SMARCD1: variants seen among roughly 807,000 people sequenced by gnomAD.
The protein encoded by SMARCD1 is SWI/SNF related BAF chromatin remodeling complex subunit D1, also known as SWI/SNF-related matrix-associated actin-dependent regulator of chromatin subfamily D member 1.
Under a neutral mutation model 70.8 loss-of-function variants are expected in SMARCD1, and 16 were observed. The observed-to-expected ratio is 0.23, with a 90% confidence interval of 0.15 to 0.34. The LOEUF is 0.34. SMARCD1 is among the 10% of genes least tolerant of loss of function. The pLI is 1.00. For synonymous variants in SMARCD1, 249 were observed against 246.0 expected, an observed-to-expected ratio of 1.01 and a Z score of -0.11; for missense variants, 409 against 655.5, an observed-to-expected ratio of 0.62 and a Z score of 4.11.
At chr12:50,096,545 A>G (rs1488400064) in intron 10 of SMARCD1, 2 of 223,998 alleles carry the variant, frequency 8.9e-6, no homozygotes, top group Non-Finnish European at 1.8e-5. Context: ...TCCTGAGAAC[A>G]CTTTTGGACC....
intron 9 of SMARCD1, among the ~76,000 whole-genome samples, chr12:50,090,820 G>A (rs836181): frequency 0.41 from 36,821 of 88,898 alleles, 6,604 homozygotes; most frequent in Middle Eastern, 0.51. Context: ...TTGTATTTGT[G>A]CTTTTTTTTT....
intron 10 of SMARCD1, chr12:50,096,559 T>C (rs902541794): frequency 7.3e-6 from 2 of 272,920 alleles, no homozygotes; most frequent in Non-Finnish European, 1.4e-5. Flanking sequence ...TTGGACCCAT[T>C]TGTGCTGTGG....
rs1456256452 is a variant in SMARCD1 at position 50,088,186 on chromosome 12, T to TGA, written c.655-334_655-333dup. ...TTTTGTTCTGGCTGCTTATTGCCTG[T>TGA]GATTCATTTCCCCTCTAGAGTCAGA... On this transcript the variant is annotated intron_variant, in intron 5 of 12. Transcript: ENST00000394963. 4 of 690,214 alleles carry TGA rather than the reference T, an allele frequency of 5.8e-6. No homozygotes were observed. In the African/African-American group the frequency reaches 7.1e-5, roughly 12 times the overall value. 42.8% of individuals were successfully genotyped at this position (690,214 alleles called of 1,614,324 possible).
chr12:50,093,380 C>T (rs528885019), intron 9 of SMARCD1, among the ~76,000 whole-genome samples: 32 of 152,102 alleles, frequency 2.1e-4, no homozygotes, highest in African/African-American at 7.2e-4. Flanking sequence ...GCCACACTAG[C>T]GTTGAATTCC....
At chr12:50,085,617 T>C in intron 1 of SMARCD1, 71 bp downstream of exon 1, 1 of 547,914 alleles carries the variant, frequency 1.8e-6, no homozygotes, top group Non-Finnish European at 2.1e-6. Flanking sequence ...GTGACAGGGG[T>C]GGGGGGAGAA....
At chr12:50,098,370 A>G (rs1396728724) in intron 11 of SMARCD1, 1 of 310,586 alleles carries the variant, frequency 3.2e-6, no homozygotes, top group African/African-American at 2.2e-5. Context: ...TGTTCTGTGC[A>G]TCTCTCAGCT....
rs767072864 is a variant in SMARCD1 at position 50,098,726 on chromosome 12, G to A, written c.1405G>A (p.Val469Met). ...QCRDLKTMTD[V>M]VGNPEEERRA... Reference sequence around the variant, plus strand: ...CCATTTCCCTCAGACAATGACTGATGTGGTGGGTAACCCAGAGGAGGAGCG... The same window carrying A: ...CCATTTCCCTCAGACAATGACTGATATGGTGGGTAACCCAGAGGAGGAGCG... The change falls in exon 12 of 13, where the codon GTG (valine) becomes ATG (methionine). Residue 469 changes from valine (V) to methionine (M), a missense_variant. This residue lies in a region of SMARCD1 where 269 missense variants were observed against 498.6 expected (regional missense o/e 0.54). Coordinates refer to ENST00000394963, the MANE Select transcript of SMARCD1 (RefSeq NM_003076.5). 4 of 1,613,898 alleles carry A rather than the reference G, an allele frequency of 2.5e-6. No homozygotes were observed. The highest frequency in any genetic ancestry group is 1.6e-4 in the Middle Eastern group (1 of 6,062).
chr12:50,085,517 C>T lies in SMARCD1; in HGVS notation c.148C>T (p.Arg50Cys). 8.1e-7 allele frequency: 1 copy of T among 1,236,866 alleles called. No homozygotes were observed. The highest frequency in any genetic ancestry group is 1.0e-6 in the Non-Finnish European group (1 of 990,046). 76.6% of individuals were successfully genotyped at this position (1,236,866 alleles called of 1,614,324 possible). A position where few individuals can be genotyped will look rare whatever the true frequency, so the allele number is the denominator to read the frequency against. The change falls in exon 1 of 13, where the codon CGC becomes TGC. Residue 50 changes from arginine to cysteine, a missense_variant. Physicochemically the swap from Arg to Cys is radical, Grantham distance 180. Coordinates refer to ENST00000394963, the MANE Select transcript of SMARCD1 (RefSeq NM_003076.5). ...CCCGGCTCCGGGTCAAGGGCTGTAC[C>T]GCTCCCCGATGCCCGGAGCGGCCTA... Reference protein sequence around the residue: ...MGPAPGQGLYRSPMPGAAYPR... With the variant: ...MGPAPGQGLYCSPMPGAAYPR...
chr12:50,094,377 C>T (rs1950873446), intron 9 of SMARCD1, 60 bp from the exon 10 acceptor site: 11 of 1,534,810 alleles, frequency 7.2e-6, no homozygotes, highest in Non-Finnish European at 9.7e-6. Context: ...CTTTTTGACC[C>T]TGTGTAATTA....
chr12:50,092,987 C>A (rs1950860310), intron 9 of SMARCD1, among the ~76,000 whole-genome samples: 1 of 151,906 alleles, frequency 6.6e-6, no homozygotes, highest in South Asian at 2.1e-4. Context: ...ACCAGTCTGG[C>A]TAATATGGTG....
intron 5 of SMARCD1, among the ~76,000 whole-genome samples, chr12:50,087,996 T>G (rs1198394521): frequency 6.6e-6 from 1 of 152,132 alleles, no homozygotes; most frequent in Non-Finnish European, 1.5e-5. Context: ...GAAGCTCACC[T>G]TTCTCTCATT....
chr12:50,092,239 T>C (rs200616507), intron 9 of SMARCD1, among the ~76,000 whole-genome samples: 8 of 133,234 alleles, frequency 6.0e-5, no homozygotes, highest in Admixed American at 1.6e-4. Context: ...TTCTTTCTTT[T>C]TTTTTTTTTT....
At chr12:50,093,061 A>C (rs1387711414) in intron 9 of SMARCD1, among the ~76,000 whole-genome samples, 1 of 151,846 alleles carries the variant, frequency 6.6e-6, no homozygotes, top group African/African-American at 2.4e-5. Context: ...CTGTAGTCCC[A>C]GCTACTTGGG....
At chr12:50,095,187 C>G (rs117796477) in intron 10 of SMARCD1, among the ~76,000 whole-genome samples, 2 of 152,328 alleles carry the variant, frequency 1.3e-5, no homozygotes, top group Non-Finnish European at 2.9e-5. Flanking sequence ...ATAAAAACAA[C>G]AAATGGTAAC....
intron 7 of SMARCD1, 83 bp from the exon 8 acceptor site, chr12:50,090,158 A>C: frequency 2.1e-6 from 3 of 1,434,790 alleles, no homozygotes; most frequent in African/African-American, 1.4e-5. Context: ...AAAGCACTAC[A>C]TTATTTGTTG....
chr12:50,099,203 T>G lies in SMARCD1; in HGVS notation c.*203T>G, dbSNP rs1950918640. ...TATCTCTTCCCACCCCCAGCTTCCCTTTGCCCCACAAAGTTCCCATGTGCC... is the reference window on the plus strand; with the variant it reads ...TATCTCTTCCCACCCCCAGCTTCCCGTTGCCCCACAAAGTTCCCATGTGCC... On this transcript the variant is annotated 3_prime_UTR_variant, in exon 13 of 13. Transcript: ENST00000394963. 4 of 621,516 alleles carry G rather than the reference T, an allele frequency of 6.4e-6. No homozygotes were observed. Among genetic ancestry groups the G allele is most frequent in the Non-Finnish European group, 1.1e-5 (4 of 349,272 alleles). 38.5% of individuals were successfully genotyped at this position (621,516 alleles called of 1,614,324 possible).
Position 50,088,511 on chromosome 12 carries a change from T to C in SMARCD1, c.655-10T>C, listed in dbSNP as rs776528608. 1 of 1,448,638 alleles carries C rather than the reference T, an allele frequency of 6.9e-7. No individual in the cohort carries two copies. The highest frequency in any genetic ancestry group is 1.2e-5 in the South Asian group (1 of 81,522). The allele number at this position is 1,448,638 out of a possible 1,614,324, so 89.7% of individuals were successfully genotyped here. A position where few individuals can be genotyped will look rare whatever the true frequency, so the allele number is the denominator to read the frequency against. On this transcript the variant is annotated splice_polypyrimidine_tract_variant and intron_variant, in intron 5 of 12. Coordinates refer to ENST00000394963, the MANE Select transcript of SMARCD1 (RefSeq NM_003076.5). Reference sequence around the variant, plus strand: ...CTTTCCTAATGTGATTTTTATTTTCTCTCCTCTAGTCAGCCTTGTCCAAAT... The same window carrying C: ...CTTTCCTAATGTGATTTTTATTTTCCCTCCTCTAGTCAGCCTTGTCCAAAT...
intron 11 of SMARCD1, among the ~76,000 whole-genome samples, chr12:50,098,117 G>A (rs1242125800): frequency 1.3e-5 from 2 of 152,136 alleles, no homozygotes; most frequent in African/African-American, 2.4e-5. Context: ...TGACTGTGAC[G>A]AGTTAGAGAG....
chr12:50,090,081 C>A, intron 7 of SMARCD1, 96 bp downstream of exon 7: 1 of 1,334,920 alleles, frequency 7.5e-7, no homozygotes, highest in Non-Finnish European at 1.1e-6. Flanking sequence ...GAATAATTTG[C>A]CACTTTGGCA....
Sources: gnomAD v4.1 joint callset for allele counts (sites outside exome capture counted in the v4.1 genomes callset) on GRCh38, gnomAD v4.1.1 for gene constraint, gnomAD v4.1.1 regional missense constraint, MANE v1.5 for transcripts, NCBI Gene and HGNC (gene_info 2026-07-23, HGNC 2026-07-21) for gene names.